SGCZ: variants seen among roughly 807,000 people sequenced by gnomAD.
SGCZ encodes sarcoglycan zeta, also known as zeta-sarcoglycan.
In SGCZ, 40 loss-of-function variants were observed where a neutral mutation model predicts 41.3. The ratio of observed to expected loss-of-function variants is 0.97; its 90% CI spans 0.75 to 1.26. The LOEUF is 1.26. Among genes scored for constraint, SGCZ ranks in the 50% most tolerant of loss-of-function variants. SGCZ has a pLI of 0.00. For missense variants in SGCZ, 552 were observed against 369.8 expected, an observed-to-expected ratio of 1.49 and a Z score of -4.04; for synonymous variants, 206 against 137.5, an observed-to-expected ratio of 1.50 and a Z score of -3.49.
chr8:14,142,325 A>T (rs56085427), intron 5 of SGCZ, among the ~76,000 whole-genome samples: 26,986 of 151,512 alleles, frequency 0.18, 3,231 homozygotes, highest in East Asian at 0.64. Flanking sequence ...ATAAAAATTT[A>T]AAAAAAAAGA....
At chr8:14,594,554 G>C (rs1405435717) in intron 1 of SGCZ, among the ~76,000 whole-genome samples, 1 of 150,236 alleles carries the variant, frequency 6.7e-6, no homozygotes, top group East Asian at 1.9e-4. Context: ...GCATGGTGAT[G>C]ATGCATAATT....
chr8:14,322,005 A>G (rs529568360), intron 3 of SGCZ, among the ~76,000 whole-genome samples: 6 of 152,234 alleles, frequency 3.9e-5, no homozygotes, highest in Admixed American at 2.6e-4. Flanking sequence ...ACATTCATGG[A>G]CAAGTGAATC....
chr8:14,224,380 G>T (rs1339251125), intron 4 of SGCZ, among the ~76,000 whole-genome samples: 1 of 152,136 alleles, frequency 6.6e-6, no homozygotes, highest in East Asian at 1.9e-4. Context: ...TATGGTGAGT[G>T]TGAGCTAGGG....
intron 1 of SGCZ, among the ~76,000 whole-genome samples, chr8:15,216,362 G>C (rs781176471): frequency 6.6e-6 from 1 of 151,648 alleles, no homozygotes; most frequent in African/African-American, 2.4e-5. Context: ...TGGGACTACA[G>C]GCACGCACCA....
chr8:14,625,231 C>T (rs982885008), intron 1 of SGCZ, among the ~76,000 whole-genome samples: 1 of 152,070 alleles, frequency 6.6e-6, no homozygotes, highest in Non-Finnish European at 1.5e-5. Flanking sequence ...TAACATACTA[C>T]AATAAATCTT....
intron 1 of SGCZ, among the ~76,000 whole-genome samples, chr8:15,046,482 A>T (rs1374522138): frequency 6.6e-6 from 1 of 151,940 alleles, no homozygotes; most frequent in Non-Finnish European, 1.5e-5. Context: ...ATTATTCCAG[A>T]TTTGGCCAGT....
chr8:15,137,913 G>A (rs1285706309), intron 1 of SGCZ, among the ~76,000 whole-genome samples: 4 of 152,162 alleles, frequency 2.6e-5, no homozygotes, highest in African/African-American at 9.6e-5. Context: ...CCGTCCTCCA[G>A]ACCCCAGAAT....
chr8:14,109,570 G>C (rs1181865069), intron 5 of SGCZ, among the ~76,000 whole-genome samples: 5 of 152,058 alleles, frequency 3.3e-5, no homozygotes. Context: ...ATATGTATTT[G>C]AAGCATACAA....
intron 2 of SGCZ, among the ~76,000 whole-genome samples, chr8:14,474,210 G>A (rs10089834): frequency 0.012 from 1,780 of 152,272 alleles, 37 homozygotes; most frequent in African/African-American, 0.04. Flanking sequence ...ATGTACTAAA[G>A]ATACTCTGCT....
chr8:14,224,498 A>G (rs1389912198), intron 4 of SGCZ, among the ~76,000 whole-genome samples: 1 of 152,218 alleles, frequency 6.6e-6, no homozygotes, highest in African/African-American at 2.4e-5. Context: ...TGTGATAAAA[A>G]TCAGGGTCAC....
At position 14,561,270 on chromosome 8, in the gene SGCZ, C is replaced by T. The variant is rs572137484; in HGVS notation, c.40-6344G>A. Among the ~76,000 whole-genome samples the T allele has an allele frequency of 7.2e-5, 11 of 152,196 alleles. No individual in the cohort carries two copies. In the East Asian group the frequency reaches 1.9e-3, roughly 27 times the overall value. ...CATTGTTTTCTTTGGCATTATGAAA[C>T]TTCTATAAATAAAAGTATTTTTTAC... On this transcript the variant is annotated intron_variant, in intron 1 of 7. Coordinates refer to ENST00000382080, the MANE Select transcript of SGCZ (RefSeq NM_139167.4).
chr8:14,807,141 C>A (rs1471593117), intron 1 of SGCZ, among the ~76,000 whole-genome samples: 1 of 151,538 alleles, frequency 6.6e-6, no homozygotes, highest in Admixed American at 6.6e-5. Flanking sequence ...TGGGCAAAAA[C>A]TGGAAGCATT....
At chr8:15,163,089 C>A (rs970259849) in intron 1 of SGCZ, among the ~76,000 whole-genome samples, 5 of 152,190 alleles carry the variant, frequency 3.3e-5, no homozygotes, top group Non-Finnish European at 7.3e-5. Flanking sequence ...AAGAACTGGA[C>A]GCCTTTGTTA....
intron 1 of SGCZ, among the ~76,000 whole-genome samples, chr8:14,962,017 A>G (rs1043100893): frequency 6.6e-6 from 1 of 152,172 alleles, no homozygotes. Context: ...TCATTTTCCA[A>G]TTAATCTGAA....
intron 1 of SGCZ, among the ~76,000 whole-genome samples, chr8:14,883,169 G>A (rs1447809336): frequency 2.0e-5 from 3 of 150,464 alleles, no homozygotes; most frequent in African/African-American, 7.3e-5. Context: ...CTCATCTGGT[G>A]ATGAAACAGA....
At chr8:14,624,794 C>T (rs1307289155) in intron 1 of SGCZ, among the ~76,000 whole-genome samples, 3 of 151,750 alleles carry the variant, frequency 2.0e-5, no homozygotes, top group African/African-American at 2.4e-5. Flanking sequence ...TGCTCTTGAA[C>T]TCCTGACCTC....
At chr8:14,724,471 T>C (rs1464065746) in intron 1 of SGCZ, among the ~76,000 whole-genome samples, 1 of 151,858 alleles carries the variant, frequency 6.6e-6, no homozygotes. Context: ...TAACTTCAAA[T>C]ATTTTTAATA....
At chr8:14,931,312 CTTAAG>C (rs1799916946) in intron 1 of SGCZ, among the ~76,000 whole-genome samples, 1 of 151,992 alleles carries the variant, frequency 6.6e-6, no homozygotes, top group Non-Finnish European at 1.5e-5. Flanking sequence ...TATAACTTTT[CTTAAG>C]TTAAATTTCA....
intron 3 of SGCZ, among the ~76,000 whole-genome samples, chr8:14,252,485 T>C (rs1295907920): frequency 1.3e-5 from 2 of 152,146 alleles, no homozygotes; most frequent in Non-Finnish European, 2.9e-5. Flanking sequence ...TGAATAATTG[T>C]TTCTGTTAAA....
Sources: gnomAD v4.1 joint callset for allele counts (sites outside exome capture counted in the v4.1 genomes callset) on GRCh38, gnomAD v4.1.1 for gene constraint, MANE v1.5 for transcripts, NCBI Gene and HGNC (gene_info 2026-07-23, HGNC 2026-07-21) for gene names.